Variants in ZMYM2 observed in about 807,000 individuals in gnomAD.
ZMYM2 encodes zinc finger MYM-type protein 2.
Under a neutral mutation model 162.8 loss-of-function variants are expected in ZMYM2, and 56 were observed. The ratio of observed to expected loss-of-function variants is 0.34; its 90% CI spans 0.28 to 0.43. The LOEUF (loss-of-function observed/expected upper bound fraction) is 0.43, where lower values mean the gene tolerates loss of function less well. ZMYM2 is among the 20% of genes least tolerant of loss of function. The pLI, the probability that ZMYM2 is intolerant of heterozygous loss-of-function variation, is 1.00. For missense variants in ZMYM2, 1,275 were observed against 1,621.8 expected (o/e 0.79, Z 3.67); for synonymous variants, 510 against 541.6 (o/e 0.94, Z 0.81).
the ZMYM2 span, among the ~76,000 whole-genome samples, chr13:19,907,949 T>A: frequency 6.6e-6 from 1 of 152,104 alleles, no homozygotes. Context: ...TTCTTCACAC[T>A]TGATTTGTTA....
chr13:20,034,355 T>G lies in ZMYM2; in HGVS notation c.2070T>G (p.Leu690=), dbSNP rs1953484311. Residue 690 remains leucine (L), a synonymous_variant, in exon 11 of 25, where the codon CTT becomes CTG. Coordinates refer to ENST00000610343, the MANE Select transcript of ZMYM2 (RefSeq NM_197968.4). ...YCEYCQEEKT[L]HETVNFSGVK... Reference sequence around the variant, plus strand: ...AATACTGTCAAGAGGAGAAGACTCTTCATGAAACAGTAAATTTCTCTGGCG... The same window carrying G: ...AATACTGTCAAGAGGAGAAGACTCTGCATGAAACAGTAAATTTCTCTGGCG... 3.7e-6 allele frequency: 6 copies of G among 1,609,596 alleles called. No individual in the cohort carries two copies. The highest frequency in any genetic ancestry group is 5.1e-6 in the Non-Finnish European group (6 of 1,178,488).
intron 6 of ZMYM2, among the ~76,000 whole-genome samples, chr13:20,012,686 T>C (rs1021983366): frequency 1.1e-4 from 17 of 152,196 alleles, no homozygotes; most frequent in African/African-American, 4.1e-4. Context: ...TTCATTGTTT[T>C]GTACTGGAAT....
At chr13:20,050,434 C>A (rs1310104162) in intron 12 of ZMYM2, among the ~76,000 whole-genome samples, 4 of 151,888 alleles carry the variant, frequency 2.6e-5, no homozygotes, top group Non-Finnish European at 5.9e-5. Flanking sequence ...GCCACAGTTA[C>A]TACGAACTAC....
At chr13:20,073,232 G>A (rs550772723) in intron 21 of ZMYM2, among the ~76,000 whole-genome samples, 2 of 152,204 alleles carry the variant, frequency 1.3e-5, no homozygotes, top group African/African-American at 4.8e-5. Context: ...GAACAATCCA[G>A]CTCAGGAATC....
intron 2 of ZMYM2, among the ~76,000 whole-genome samples, chr13:19,982,817 C>G (rs1957469884): frequency 1.3e-5 from 2 of 152,156 alleles, no homozygotes; most frequent in Non-Finnish European, 2.9e-5. Context: ...TTACCTTTTT[C>G]AGGCCTGCTA....
chr13:20,010,035 G>C (rs1042566341), intron 6 of ZMYM2, among the ~76,000 whole-genome samples: 1 of 152,100 alleles, frequency 6.6e-6, no homozygotes, highest in Non-Finnish European at 1.5e-5. Context: ...AATGTACAAG[G>C]CTTCTGTTTT....
chr13:20,060,549 A>G (rs1273045212), intron 16 of ZMYM2, among the ~76,000 whole-genome samples: 1 of 152,104 alleles, frequency 6.6e-6, no homozygotes, highest in Admixed American at 6.5e-5. Context: ...ATGGTGGCAC[A>G]TGCCTGTAAT....
At chr13:20,000,158 C>G (rs187884082) in intron 3 of ZMYM2, among the ~76,000 whole-genome samples, 26 of 152,220 alleles carry the variant, frequency 1.7e-4, no homozygotes, top group Admixed American at 1.3e-3. Context: ...AAGATCAAAC[C>G]AACTATGACA....
chr13:19,986,570 A>C (rs1023496943), intron 2 of ZMYM2, among the ~76,000 whole-genome samples: 10 of 151,984 alleles, frequency 6.6e-5, no homozygotes, highest in Middle Eastern at 3.2e-3. Flanking sequence ...CTTTTAAATA[A>C]ATTTGAAAAA....
At chr13:19,913,510 A>G in the ZMYM2 span, among the ~76,000 whole-genome samples, 2 of 152,126 alleles carry the variant, frequency 1.3e-5, no homozygotes, top group Non-Finnish European at 2.9e-5. Flanking sequence ...GGATCACTTG[A>G]GGCCAGAAGT....
chr13:19,931,360 G>C, the ZMYM2 span, among the ~76,000 whole-genome samples: 1 of 151,752 alleles, frequency 6.6e-6, no homozygotes, highest in Non-Finnish European at 1.5e-5. Context: ...AGATATTATT[G>C]GTTTTTGAGA....
upstream of ZMYM2, among the ~76,000 whole-genome samples, chr13:19,953,929 G>A (rs1954470558): frequency 6.6e-6 from 1 of 151,408 alleles, no homozygotes; most frequent in Admixed American, 6.6e-5. Flanking sequence ...AAATATACTA[G>A]AATGGATAAT....
intron 7 of ZMYM2, among the ~76,000 whole-genome samples, chr13:20,020,591 A>G (rs1952000245): frequency 6.6e-6 from 1 of 151,990 alleles, no homozygotes; most frequent in South Asian, 2.1e-4. Context: ...CCAATTCCAG[A>G]TAATTCCTGC....
intron 21 of ZMYM2, among the ~76,000 whole-genome samples, chr13:20,077,410 A>C (rs980167467): frequency 4.0e-5 from 6 of 150,604 alleles, no homozygotes; most frequent in Non-Finnish European, 8.8e-5. Flanking sequence ...GTTTGAATTA[A>C]AAGCCATTAC....
chr13:20,065,347 C>T (rs1956592948), intron 19 of ZMYM2, among the ~76,000 whole-genome samples: 1 of 152,074 alleles, frequency 6.6e-6, no homozygotes, highest in Non-Finnish European at 1.5e-5. Context: ...CAATATAAAA[C>T]TCTTAGAAGA....
chr13:20,006,845 G>C (rs1056562756), intron 6 of ZMYM2, among the ~76,000 whole-genome samples: 3 of 152,022 alleles, frequency 2.0e-5, no homozygotes, highest in Admixed American at 6.6e-5. Flanking sequence ...GTTAAGTCTG[G>C]GTAAACCCGT....
chr13:20,045,049 CA>C (rs933854935), intron 12 of ZMYM2, among the ~76,000 whole-genome samples: 1,863 of 47,394 alleles, frequency 0.039, 18 homozygotes, highest in African/African-American at 0.12. Context: ...GACTCTGTGT[CA>C]AAAAAAAAAA....
At chr13:19,980,146 T>C (rs1957184526) in intron 2 of ZMYM2, among the ~76,000 whole-genome samples, 1 of 152,054 alleles carries the variant, frequency 6.6e-6, no homozygotes, top group South Asian at 2.1e-4. Context: ...TTATCTTGTA[T>C]TAACGTTTAT....
chr13:19,973,516 C>G (rs1956506730), intron 2 of ZMYM2, among the ~76,000 whole-genome samples: 1 of 151,558 alleles, frequency 6.6e-6, no homozygotes, highest in South Asian at 2.1e-4. Context: ...ACTGAAAGTA[C>G]AAAAATTAGC....
Sources: gnomAD v4.1 joint callset for allele counts (sites outside exome capture counted in the v4.1 genomes callset) on GRCh38, gnomAD v4.1.1 for gene constraint, MANE v1.5 for transcripts, NCBI Gene and HGNC (gene_info 2026-07-23, HGNC 2026-07-21) for gene names.